The following ATP2B3 variants were observed in gnomAD, a reference collection of about 807,000 sequenced individuals.
ATP2B3 encodes plasma membrane calcium-transporting ATPase 3.
A neutral mutation model predicts 70.8 loss-of-function variants in ATP2B3; 12 were observed. The observed-to-expected ratio is 0.17, with a 90% CI of 0.11 to 0.27. ATP2B3 has a LOEUF of 0.27. ATP2B3 is among the 10% of genes least tolerant of loss of function. The probability of loss-of-function intolerance (pLI) is 1.00; values close to 1 mark genes in which losing one functional copy is unlikely to be tolerated. For synonymous variants in ATP2B3, 460 were observed against 497.8 expected (o/e 0.92, Z 1.01); for missense variants, 858 against 1,118.5 (o/e 0.77, Z 3.32).
In ATP2B3 at chrX:153,580,623, G is replaced by C; in HGVS notation, c.*325G>C. The C allele has an allele frequency of 3.9e-6, 1 of 253,735 alleles. No homozygotes were observed. Among genetic ancestry groups the C allele is most frequent in the Non-Finnish European group, 7.1e-6 (1 of 141,218 alleles). The allele number at this position is 253,735 out of a possible 1,213,427, so 20.9% of individuals were successfully genotyped here. Reference sequence around the variant, plus strand: ...AGAAGTAGAAAGTGCGAAGAGCTGAGTTCCCCACCTTTTTTTCTATTGATG... The same window carrying C: ...AGAAGTAGAAAGTGCGAAGAGCTGACTTCCCCACCTTTTTTTCTATTGATG... On this transcript the variant is annotated 3_prime_UTR_variant, in exon 22 of 22. Coordinates refer to ENST00000263519, the MANE Select transcript of ATP2B3 (RefSeq NM_001001344.3).
At position 153,582,706 on chromosome X, in the gene ATP2B3, C is replaced by A. The variant is rs2090932746; in HGVS notation, c.*2408C>A. 1 of 112,403 alleles carries A rather than the reference C, an allele frequency of 8.9e-6. No homozygotes were observed. 9.3% of individuals were successfully genotyped at this position (112,403 alleles called of 1,213,427 possible). Reference sequence around the variant, plus strand: ...GGGGGCCCTGTCTCATTGGGAAGCCCCTCTTTATAAAGCATTATATTACTT... The same window carrying A: ...GGGGGCCCTGTCTCATTGGGAAGCCACTCTTTATAAAGCATTATATTACTT... On this transcript the variant is annotated 3_prime_UTR_variant, in exon 22 of 22. Coordinates refer to ENST00000263519, the MANE Select transcript of ATP2B3 (RefSeq NM_001001344.3).
intron 2 of ATP2B3, among the ~76,000 whole-genome samples, chrX:153,534,240 C>T: frequency 9.0e-6 from 1 of 111,671 alleles, no homozygotes; most frequent in Non-Finnish European, 1.9e-5. Flanking sequence ...CAGGTGAGAG[C>T]CGAAAGCTGC....
At chrX:153,554,013 G>A (rs781918706) in intron 13 of ATP2B3, among the ~76,000 whole-genome samples, 151 of 113,846 alleles carry the variant, frequency 1.3e-3, no homozygotes, top group African/African-American at 4.5e-3. Flanking sequence ...AACCTGGGAG[G>A]AGAAGCTTCT....
chrX:153,543,083 C>G lies in ATP2B3; in HGVS notation c.831C>G (p.Thr277=), dbSNP rs112792135. Residue 277 remains threonine, a synonymous_variant, in exon 7 of 22, where the codon ACC becomes ACG. Transcript: ENST00000263519. ...VMEGSGRMVV[T]AVGVNSQTGI... ...AAGGTTCTGGAAGAATGGTGGTGAC[C>G]GCCGTTGGCGTGAATTCCCAGACAG... 8.3e-7 allele frequency: 1 copy of G among 1,210,834 alleles called. No homozygotes were observed. The highest frequency in any genetic ancestry group is 1.7e-5 in the African/African-American group (1 of 57,564).
intron 3 of ATP2B3, among the ~76,000 whole-genome samples, chrX:153,538,554 T>G (rs1321690458): frequency 8.8e-6 from 1 of 113,019 alleles, no homozygotes; most frequent in Non-Finnish European, 1.9e-5. Flanking sequence ...AGTGCCCCTC[T>G]GGGCTCCACA....
intron 16 of ATP2B3, 148 bp from the exon 17 acceptor site, chrX:153,557,964 A>T (rs1569535150): frequency 2.2e-6 from 1 of 455,528 alleles, no homozygotes; most frequent in Non-Finnish European, 3.5e-6. Flanking sequence ...AACAAAAAAC[A>T]GTGCTGTTCT....
At chrX:153,546,171 TG>T in intron 8 of ATP2B3, 42 bp downstream of exon 8, 1 of 1,203,741 alleles carries the variant, frequency 8.3e-7, no homozygotes, top group Non-Finnish European at 1.1e-6. Context: ...CTTGGAGCCC[TG>T]GGGGTGGGGC....
chrX:153,555,811 C>T (rs181427846), intron 13 of ATP2B3, among the ~76,000 whole-genome samples: 1 of 112,994 alleles, frequency 8.9e-6, no homozygotes, highest in East Asian at 2.8e-4. Context: ...CCTTTCAGTG[C>T]AGGATTCAAT....
intron 21 of ATP2B3, chrX:153,569,781 T>C (rs2090761982): frequency 8.3e-7 from 1 of 1,200,457 alleles, no homozygotes; most frequent in African/African-American, 1.8e-5. Flanking sequence ...CCCTTTTCTC[T>C]CATAAATGGC....
rs879951205 is a variant in ATP2B3, at chrX:153,571,003, TACACAC to T, written c.3342+5931_3342+5936del. On this transcript the variant is annotated intron_variant, in intron 21 of 21. Transcript: ENST00000263519. Reference sequence around the variant, plus strand: ...CTTGGGAACAGAGCACGTGCGCGCGTACACACACACACACACACACACACACACACA... The same window carrying T: ...CTTGGGAACAGAGCACGTGCGCGCGTACACACACACACACACACACACACA... Among the ~76,000 whole-genome samples the T allele has an allele frequency of 4.1e-3, 355 of 87,603 alleles. 1 individual carries two copies. The highest frequency in any genetic ancestry group is 0.013 in the African/African-American group (298 of 23,667). The allele number at this position is 87,603 out of a possible 115,157, so 76.1% of individuals were successfully genotyped here.
intron 17 of ATP2B3, among the ~76,000 whole-genome samples, 171 bp downstream of exon 17, chrX:153,558,474 G>A (rs782740880): frequency 8.0e-5 from 9 of 112,692 alleles, no homozygotes; most frequent in African/African-American, 2.9e-4. Flanking sequence ...ACTCGAATTT[G>A]TAGGACATTC....
chrX:153,535,937 G>A (rs1294136473), intron 2 of ATP2B3, among the ~76,000 whole-genome samples, 185 bp from the exon 3 acceptor site: 4 of 113,083 alleles, frequency 3.5e-5, no homozygotes, highest in Non-Finnish European at 7.5e-5. Flanking sequence ...GCAGGACCCG[G>A]GAGTGGCCTG....
Position 153,536,258 on chromosome X carries a change from T to C in ATP2B3, c.11T>C (p.Met4Thr). The change falls in exon 3 of 22, where the codon ATG (methionine) becomes ACG (threonine). Residue 4 changes from methionine to threonine, a missense_variant. Met to Thr is a moderately conservative substitution (Grantham distance 81, BLOSUM62 -1). Transcript: ENST00000263519. The part of the protein sequence containing the change: MGD[M>T]ANSSIEFHPK... ...GGCCTGACAGGCAGCATGGGCGACA[T>C]GGCCAATAGTTCCATCGAGTTCCAC... 1 of 1,194,643 alleles carries C rather than the reference T, an allele frequency of 8.4e-7. No individual in the cohort carries two copies. Among genetic ancestry groups the C allele is most frequent in the Admixed American group, 2.3e-5 (1 of 43,825 alleles).
At chrX:153,553,566 T>C (rs2090490936) in intron 13 of ATP2B3, among the ~76,000 whole-genome samples, 1 of 112,035 alleles carries the variant, frequency 8.9e-6, no homozygotes, top group Admixed American at 9.4e-5. Flanking sequence ...CCAGGACCGA[T>C]GGACTGGAGG....
chrX:153,549,329 CTT>C (rs1557010260), intron 10 of ATP2B3, among the ~76,000 whole-genome samples, 166 bp from the exon 11 acceptor site: 1 of 111,459 alleles, frequency 9.0e-6, no homozygotes, highest in Non-Finnish European at 1.9e-5. Context: ...TTGCTGATGC[CTT>C]ACAGCCTCGC....
At chrX:153,519,467 A>C (rs1290972420) in intron 2 of ATP2B3, among the ~76,000 whole-genome samples, 45 of 93,113 alleles carry the variant, frequency 4.8e-4, no homozygotes, top group Admixed American at 8.1e-4. Flanking sequence ...CCCAACCCCC[A>C]CCCCCCGCCG....
At chrX:153,536,542 G>A (rs2090194146) in intron 3 of ATP2B3, 87 bp downstream of exon 3, 2 of 1,055,958 alleles carry the variant, frequency 1.9e-6, no homozygotes, top group South Asian at 4.0e-5. Flanking sequence ...CCCAAGGCTG[G>A]CCAGGGTCAA....
rs189080526 is a variant in ATP2B3, at chrX:153,563,243, G to T, written c.3159+1001G>T. 1.5e-4 allele frequency among the ~76,000 whole-genome samples: 15 copies of T among 98,779 alleles called. No homozygotes were observed. The Admixed American group carries it at 1.7e-3, about 11-fold the overall frequency. The allele number at this position is 98,779 out of a possible 115,157, so 85.8% of individuals were successfully genotyped here. ...TGTAGCCTCGAACTCCCAGGCTCAA[G>T]TGATCCTCCTATCTCAGCCTCCCAA... On this transcript the variant is annotated intron_variant, in intron 20 of 21. Transcript: ENST00000263519.
intron 19 of ATP2B3, 59 bp downstream of exon 19, chrX:153,560,946 C>T: frequency 2.6e-6 from 3 of 1,168,356 alleles, no homozygotes; most frequent in Non-Finnish European, 3.5e-6. Flanking sequence ...AGGTGGTGGG[C>T]TTCAAGACCC....
Sources: allele counts gnomAD v4.1 joint callset (sites outside exome capture counted in the v4.1 genomes callset), GRCh38; gene constraint gnomAD v4.1.1; transcripts MANE v1.5; gene names NCBI Gene and HGNC (gene_info 2026-07-23, HGNC 2026-07-21).